YAP1: variants seen among roughly 807,000 people sequenced by gnomAD.
The protein encoded by YAP1 is Yes1 associated transcriptional regulator, also known as transcriptional coactivator YAP1.
YAP1 carries 5 observed loss-of-function variants against 56.9 expected under a neutral mutation model. The observed-to-expected ratio is 0.09, with a 90% CI of 0.05 to 0.18. The LOEUF is 0.18. YAP1 is among the 10% of genes least tolerant of loss of function. The pLI, the probability that YAP1 is intolerant of heterozygous loss-of-function variation, is 1.00. For synonymous variants in YAP1, 265 were observed against 248.1 expected (o/e 1.07, Z -0.64); for missense variants, 539 against 651.8 (o/e 0.83, Z 1.88).
At chr11:102,124,970 T>C (rs948466786) in intron 2 of YAP1, among the ~76,000 whole-genome samples, 1 of 152,130 alleles carries the variant, frequency 6.6e-6, no homozygotes, top group East Asian at 1.9e-4. Flanking sequence ...ACTTGTGAGC[T>C]CAAGTGATCT....
At chr11:102,174,721 C>T (rs141021621) in intron 3 of YAP1, among the ~76,000 whole-genome samples, 9 of 152,230 alleles carry the variant, frequency 5.9e-5, no homozygotes, top group African/African-American at 2.2e-4. Context: ...TATTTGGTGG[C>T]AGTGCTAAGT....
intron 3 of YAP1, among the ~76,000 whole-genome samples, chr11:102,184,705 C>T (rs189463532): frequency 6.6e-6 from 1 of 152,288 alleles, no homozygotes; most frequent in East Asian, 1.9e-4. Context: ...CAGCATCACC[C>T]ATGAGACTGG....
chr11:102,223,564 C>A (rs1950053838), intron 6 of YAP1, 58 bp from the exon 7 acceptor site: 3 of 1,570,694 alleles, frequency 1.9e-6, no homozygotes, highest in Non-Finnish European at 8.6e-7. Context: ...TTTCTTTAAA[C>A]CTAACATTAA....
At chr11:102,160,314 C>T (rs1053845846) in intron 2 of YAP1, among the ~76,000 whole-genome samples, 18 of 152,240 alleles carry the variant, frequency 1.2e-4, no homozygotes, top group Non-Finnish European at 2.5e-4. Flanking sequence ...TGAGCCACTG[C>T]GCCTGGCCCA....
At chr11:102,150,270 C>T (rs904424790) in intron 2 of YAP1, among the ~76,000 whole-genome samples, 1 of 152,090 alleles carries the variant, frequency 6.6e-6, no homozygotes, top group Admixed American at 6.6e-5. Flanking sequence ...AGGTGTGAGC[C>T]ACTGCGCCCA....
chr11:102,134,172 C>G (rs573044998), intron 2 of YAP1, among the ~76,000 whole-genome samples: 2 of 152,226 alleles, frequency 1.3e-5, no homozygotes, highest in Non-Finnish European at 2.9e-5. Flanking sequence ...GCATTATGGA[C>G]GTTTATGTTT....
chr11:102,127,336 C>T (rs565602826), intron 2 of YAP1, among the ~76,000 whole-genome samples: 2 of 152,330 alleles, frequency 1.3e-5, no homozygotes, highest in East Asian at 3.9e-4. Flanking sequence ...GGTCCCTGTG[C>T]TGTGTGCAGT....
intron 4 of YAP1, among the ~76,000 whole-genome samples, chr11:102,190,565 G>A (rs2135528911): frequency 6.6e-6 from 1 of 152,302 alleles, no homozygotes; most frequent in Non-Finnish European, 1.5e-5. Flanking sequence ...GGCAGAGGTT[G>A]CAGTGAGTGA....
At chr11:102,200,844 A>G (rs767427474) in intron 4 of YAP1, among the ~76,000 whole-genome samples, 8 of 152,200 alleles carry the variant, frequency 5.3e-5, no homozygotes, top group Non-Finnish European at 7.3e-5. Context: ...CTTAGTGTAT[A>G]GATTGTATAA....
chr11:102,153,188 G>C (rs879222764), intron 2 of YAP1, among the ~76,000 whole-genome samples: 1 of 152,072 alleles, frequency 6.6e-6, no homozygotes, highest in Admixed American at 6.6e-5. Flanking sequence ...TTCCAGTTAG[G>C]CCTAGTCTTT....
At chr11:102,135,968 C>A (rs1346717140) in intron 2 of YAP1, among the ~76,000 whole-genome samples, 1 of 152,092 alleles carries the variant, frequency 6.6e-6, no homozygotes, top group East Asian at 1.9e-4. Context: ...CATTAAAGAA[C>A]ATTTGTGTTA....
chr11:102,133,632 T>C lies in YAP1; in HGVS notation c.572+19238T>C, dbSNP rs118179602. 1.8e-3 allele frequency among the ~76,000 whole-genome samples: 272 copies of C among 152,178 alleles called. 4 individuals carry two copies. The East Asian group carries it at 0.019, about 10-fold the overall frequency. On this transcript the variant is annotated intron_variant, in intron 2 of 8. Transcript: ENST00000282441. Reference sequence around the variant, plus strand: ...TATCTAATGTCAAAGTTTAATATGGTTTTGGAAGGAAGTTATGAGTTTCAC... The same window carrying C: ...TATCTAATGTCAAAGTTTAATATGGCTTTGGAAGGAAGTTATGAGTTTCAC...
chr11:102,112,427 T>TC (rs1409722652), intron 1 of YAP1: 174 of 587,896 alleles, frequency 3.0e-4, no homozygotes, highest in African/African-American at 1.0e-3. Flanking sequence ...TTCTTCTTCT[T>TC]TTTTTTTTTT....
At chr11:102,225,409 C>T (rs538839004) in intron 7 of YAP1, among the ~76,000 whole-genome samples, 5 of 152,222 alleles carry the variant, frequency 3.3e-5, no homozygotes, top group South Asian at 2.1e-4. Flanking sequence ...CGCTTGAACC[C>T]GGGAGGCAGA....
intron 6 of YAP1, among the ~76,000 whole-genome samples, chr11:102,217,387 G>A (rs1207091416): frequency 6.6e-6 from 1 of 152,034 alleles, no homozygotes; most frequent in Non-Finnish European, 1.5e-5. Context: ...CAAGAGAAAC[G>A]AAAGCATGTT....
chr11:102,229,732 C>T lies in YAP1; in HGVS notation c.1307C>T (p.Ser436Leu). 1 of 1,614,146 alleles carries T rather than the reference C, an allele frequency of 6.2e-7. No individual in the cohort carries two copies. Among genetic ancestry groups the T allele is most frequent in the Non-Finnish European group, 8.5e-7 (1 of 1,179,996 alleles). Reference protein sequence around the residue: ...GDTINQSTLPSQQNRFPDYLE... With the variant: ...GDTINQSTLPLQQNRFPDYLE... ...ACTATCAACCAAAGCACCCTGCCCT[C>T]ACAGCAGAACCGTTTCCCAGACTAC... Residue 436 changes from serine (S) to leucine (L), a missense_variant, in exon 9 of 9, where the codon TCA becomes TTA. Transcript: ENST00000282441.
At chr11:102,148,396 A>T (rs1945441208) in intron 2 of YAP1, among the ~76,000 whole-genome samples, 1 of 97,624 alleles carries the variant, frequency 1.0e-5, no homozygotes, top group South Asian at 4.8e-4. Context: ...TTTATCTGAG[A>T]AATGTTGTGT....
chr11:102,139,831 C>T (rs2135281453), intron 2 of YAP1, among the ~76,000 whole-genome samples: 1 of 152,146 alleles, frequency 6.6e-6, no homozygotes, highest in East Asian at 1.9e-4. Context: ...TTGTTGCCTA[C>T]CTATGAAAAC....
chr11:102,112,679 G>T (rs758576922), intron 1 of YAP1: 43 of 985,006 alleles, frequency 4.4e-5, no homozygotes, highest in Non-Finnish European at 5.1e-5. Flanking sequence ...ACAAAAACCC[G>T]GGTTAAGGAG....
Sources: gnomAD v4.1 joint callset for allele counts (sites outside exome capture counted in the v4.1 genomes callset) on GRCh38, gnomAD v4.1.1 for gene constraint, MANE v1.5 for transcripts, NCBI Gene and HGNC (gene_info 2026-07-23, HGNC 2026-07-21) for gene names.